The following NRCAM variants were observed in gnomAD, a reference collection of about 807,000 sequenced individuals.
The protein encoded by NRCAM is NgCAM-related cell adhesion molecule.
A neutral mutation model predicts 156.5 loss-of-function variants in NRCAM; 83 were observed. The observed-to-expected ratio is 0.53, with a 90% CI of 0.44 to 0.64. The LOEUF (loss-of-function observed/expected upper bound fraction) is 0.64, where lower values mean the gene tolerates loss of function less well. Among genes scored for constraint, NRCAM ranks in the 30% least tolerant of loss-of-function variants. NRCAM has a pLI of 0.00. For missense variants in NRCAM, 1,417 were observed against 1,597.3 expected, an observed-to-expected ratio of 0.89 and a Z score of 1.92; for synonymous variants, 538 against 563.9, an observed-to-expected ratio of 0.95 and a Z score of 0.65.
intron 11 of NRCAM, 100 bp downstream of exon 11, chr7:108,223,625 T>A: frequency 1.8e-6 from 1 of 542,326 alleles, no homozygotes; most frequent in South Asian, 3.6e-5. Flanking sequence ...CTAGAATTAG[T>A]AGAAGACAAT....
intron 1 of NRCAM, among the ~76,000 whole-genome samples, chr7:108,402,784 G>A (rs1216423514): frequency 6.6e-6 from 1 of 152,202 alleles, no homozygotes; most frequent in Non-Finnish European, 1.5e-5. Flanking sequence ...TCAGGAGTGA[G>A]CACCTTAGAG....
chr7:108,450,257 C>CTTTTTTTT (rs11316439), intron 1 of NRCAM, among the ~76,000 whole-genome samples: 1 of 144,976 alleles, frequency 6.9e-6, no homozygotes. Flanking sequence ...TTACCACTGG[C>CTTTTTTTT]TTTTTTTTTT....
chr7:108,303,591 T>A (rs554765297), intron 3 of NRCAM, among the ~76,000 whole-genome samples: 1 of 152,122 alleles, frequency 6.6e-6, no homozygotes, highest in Non-Finnish European at 1.5e-5. Flanking sequence ...CTATCCCAAA[T>A]TCCTGGCCAC....
intron 2 of NRCAM, among the ~76,000 whole-genome samples, chr7:108,340,623 C>T (rs558074565): frequency 9.9e-5 from 15 of 152,202 alleles, no homozygotes; most frequent in Non-Finnish European, 1.8e-4. Context: ...AATCAAAACA[C>T]GGAGATTGGT....
At chr7:108,225,820 A>G in intron 9 of NRCAM, 119 bp from the exon 10 acceptor site, 1 of 753,392 alleles carries the variant, frequency 1.3e-6, no homozygotes, top group East Asian at 2.4e-5. Flanking sequence ...CCTATCAAGT[A>G]AAAACAGTGC....
chr7:108,272,102 C>A (rs920229614), intron 3 of NRCAM, among the ~76,000 whole-genome samples: 9 of 152,186 alleles, frequency 5.9e-5, no homozygotes, highest in African/African-American at 2.2e-4. Flanking sequence ...TCTTATCAAT[C>A]ATCTCAGAAC....
intron 1 of NRCAM, among the ~76,000 whole-genome samples, chr7:108,402,859 C>T (rs568445140): frequency 6.6e-6 from 1 of 152,290 alleles, no homozygotes; most frequent in Non-Finnish European, 1.5e-5. Flanking sequence ...AATAGTAAGA[C>T]AAATTGATCA....
chr7:108,229,258 C>T (rs1470105561), intron 8 of NRCAM, among the ~76,000 whole-genome samples: 2 of 152,190 alleles, frequency 1.3e-5, no homozygotes, highest in African/African-American at 4.8e-5. Context: ...AAAATATTTT[C>T]TAAAATTATT....
At chr7:108,293,762 C>A (rs190057501) in intron 3 of NRCAM, among the ~76,000 whole-genome samples, 24 of 152,274 alleles carry the variant, frequency 1.6e-4, no homozygotes, top group East Asian at 1.2e-3. Flanking sequence ...TATTATTATT[C>A]TTCTCTTTTT....
rs2099717035 is a variant in NRCAM at position 108,383,798 on chromosome 7, A to G, written c.-174+15638T>C. ...AAGAAATAAAAACTGGAATTTCTTC[A>G]TGGTTTTATGTTGGGGGTGTGTGCT... On this transcript the variant is annotated intron_variant, in intron 2 of 32. Coordinates refer to ENST00000379028, the MANE Select transcript of NRCAM (RefSeq NM_001037132.4). 3.3e-5 allele frequency among the ~76,000 whole-genome samples: 5 copies of G among 152,160 alleles called. 1 individual carries two copies. In the South Asian group the frequency reaches 1.0e-3, roughly 31 times the overall value.
intron 3 of NRCAM, among the ~76,000 whole-genome samples, chr7:108,277,697 G>A (rs1446949062): frequency 3.3e-5 from 5 of 151,868 alleles, no homozygotes; most frequent in African/African-American, 9.7e-5. Flanking sequence ...TCTTTAGCTC[G>A]GAGAAGTGTG....
chr7:108,307,729 C>T (rs1185355412), intron 3 of NRCAM, among the ~76,000 whole-genome samples: 5 of 151,842 alleles, frequency 3.3e-5, no homozygotes, highest in Non-Finnish European at 7.4e-5. Flanking sequence ...TCAGTTGTGA[C>T]AGCAACATAC....
intron 25 of NRCAM, among the ~76,000 whole-genome samples, chr7:108,179,046 C>T (rs545243832): frequency 6.6e-6 from 1 of 152,300 alleles, no homozygotes; most frequent in East Asian, 1.9e-4. Flanking sequence ...CCATGCCTGG[C>T]ACATAGTTCT....
chr7:108,419,596 C>A (rs557990330), intron 1 of NRCAM, among the ~76,000 whole-genome samples: 36 of 152,288 alleles, frequency 2.4e-4, no homozygotes, highest in Non-Finnish European at 4.4e-4. Context: ...AACAGGCATG[C>A]TTAAGCCATA....
chr7:108,228,782 A>G (rs1481334673), intron 8 of NRCAM, among the ~76,000 whole-genome samples: 1 of 152,202 alleles, frequency 6.6e-6, no homozygotes, highest in African/African-American at 2.4e-5. Flanking sequence ...GTATTCGGAG[A>G]GCATTATTCT....
chr7:108,273,268 T>C (rs2097444282), intron 3 of NRCAM, among the ~76,000 whole-genome samples: 1 of 152,232 alleles, frequency 6.6e-6, no homozygotes, highest in South Asian at 2.1e-4. Context: ...CACTCAGTAA[T>C]GGGATGGCTG....
chr7:108,150,495 A>G (rs1364026150), intron 32 of NRCAM, among the ~76,000 whole-genome samples: 1 of 152,222 alleles, frequency 6.6e-6, no homozygotes, highest in Non-Finnish European at 1.5e-5. Context: ...TGAATTCAAA[A>G]AGGCAAAAGC....
At chr7:108,372,274 G>A (rs1382314748) in intron 2 of NRCAM, among the ~76,000 whole-genome samples, 1 of 151,732 alleles carries the variant, frequency 6.6e-6, no homozygotes, top group African/African-American at 2.4e-5. Context: ...AAAACATAAG[G>A]GAAAAGCTGC....
chr7:108,153,992 C>T (rs2043324481), intron 32 of NRCAM, among the ~76,000 whole-genome samples: 1 of 152,118 alleles, frequency 6.6e-6, no homozygotes, highest in Non-Finnish European at 1.5e-5. Context: ...GTTAACCTTC[C>T]CCATATTGCC....
Sources: allele counts gnomAD v4.1 joint callset (sites outside exome capture counted in the v4.1 genomes callset), GRCh38; gene constraint gnomAD v4.1.1; transcripts MANE v1.5; gene names NCBI Gene and HGNC (gene_info 2026-07-23, HGNC 2026-07-21).